Variants in MLPH observed in about 807,000 individuals in gnomAD.
MLPH encodes the protein melanophilin.
Under a neutral mutation model 72.1 loss-of-function variants are expected in MLPH, and 51 were observed. That is an observed-to-expected ratio of 0.71 (90% CI 0.56 to 0.89). The LOEUF is 0.89. Among genes scored for constraint, MLPH ranks in the 40% least tolerant of loss-of-function variants. The pLI is 0.00. For synonymous variants in MLPH, 301 were observed against 310.1 expected, an observed-to-expected ratio of 0.97 and a Z score of 0.31; for missense variants, 743 against 759.9, an observed-to-expected ratio of 0.98 and a Z score of 0.26.
intron 2 of MLPH, among the ~76,000 whole-genome samples, chr2:237,494,763 G>A (rs553082635): frequency 5.3e-4 from 81 of 152,310 alleles, no homozygotes; most frequent in Non-Finnish European, 5.1e-4. Context: ...TGTTGAGCGG[G>A]TGTTGGATAC....
intron 15 of MLPH, 81 bp from the exon 16 acceptor site, chr2:237,553,485 T>C: frequency 7.8e-7 from 1 of 1,290,026 alleles, no homozygotes. Context: ...TGTGTATTTG[T>C]ATGTGCATGC....
chr2:237,545,919 T>C (rs1471856716), intron 12 of MLPH: 1 of 198,236 alleles, frequency 5.0e-6, no homozygotes, highest in African/African-American at 2.4e-5. Context: ...TCTCAGTCAA[T>C]TTGGAAAGTT....
rs2080690035 is a variant in MLPH at position 237,541,708 on chromosome 2, A to G, written c.1446+751A>G. On this transcript the variant is annotated intron_variant, in intron 11 of 15. Coordinates refer to ENST00000264605, the MANE Select transcript of MLPH (RefSeq NM_024101.7). This position sits in a 1 kb window ranked among gnomAD's most constrained non-coding sequence, Gnocchi z 5.1. Reference sequence around the variant, plus strand: ...GTAGCCCACATTGTGTAGGCCACGGAAGATCTGGTGCAAATACCTTAGACG... The same window carrying G: ...GTAGCCCACATTGTGTAGGCCACGGGAGATCTGGTGCAAATACCTTAGACG... 1.3e-5 allele frequency among the ~76,000 whole-genome samples: 2 copies of G among 152,212 alleles called. No individual in the cohort carries two copies. The highest frequency in any genetic ancestry group is 1.3e-4 in the Admixed American group (2 of 15,290).
At chr2:237,533,897 A>G (rs1048691995) in intron 8 of MLPH, among the ~76,000 whole-genome samples, 4 of 152,206 alleles carry the variant, frequency 2.6e-5, no homozygotes, top group Non-Finnish European at 4.4e-5. Flanking sequence ...ACCAAACAAT[A>G]CAAAAGCATC....
chr2:237,521,509 G>C (rs931680129), intron 6 of MLPH, among the ~76,000 whole-genome samples: 4 of 152,186 alleles, frequency 2.6e-5, no homozygotes, highest in Non-Finnish European at 5.9e-5. Flanking sequence ...GTGCAGATGT[G>C]AAGGAATGCT....
At chr2:237,514,184 GA>G (rs1238146688) in intron 4 of MLPH, among the ~76,000 whole-genome samples, 2 of 152,096 alleles carry the variant, frequency 1.3e-5, no homozygotes, top group African/African-American at 4.8e-5. Flanking sequence ...CCTCCTCCGA[GA>G]ATGGGGCGGG....
intron 6 of MLPH, among the ~76,000 whole-genome samples, chr2:237,524,343 A>C (rs1298044512): frequency 6.8e-6 from 1 of 147,950 alleles, no homozygotes; most frequent in African/African-American, 2.6e-5. Flanking sequence ...ATTAAGTATT[A>C]ACTTACACGA....
chr2:237,530,670 C>G (rs2875755), intron 8 of MLPH, among the ~76,000 whole-genome samples: 23,472 of 152,230 alleles, frequency 0.15, 2,037 homozygotes, highest in South Asian at 0.31. Context: ...AAGGCCCTGA[C>G]AAGGCCTGCG....
At chr2:237,514,592 G>A (rs536479249) in intron 4 of MLPH, among the ~76,000 whole-genome samples, 3 of 152,334 alleles carry the variant, frequency 2.0e-5, no homozygotes, top group Non-Finnish European at 4.4e-5. Flanking sequence ...GAGAAGGTCA[G>A]AGAGAAACTT....
intron 2 of MLPH, among the ~76,000 whole-genome samples, chr2:237,509,239 T>C (rs2079840120): frequency 6.6e-6 from 1 of 152,216 alleles, no homozygotes; most frequent in African/African-American, 2.4e-5. Context: ...GCCTCTGAAA[T>C]ATATCAGCCT....
At position 237,540,135 on chromosome 2, in the gene MLPH, C is replaced by G. The variant is rs13416508; in HGVS notation, c.1105-213C>G. On this transcript the variant is annotated intron_variant, in intron 9 of 15. Coordinates refer to ENST00000264605, the MANE Select transcript of MLPH (RefSeq NM_024101.7). Reference sequence around the variant, plus strand: ...AGCCAGGGGTGGTGGTCAGCTTTCCCTGGGAACCCCCAGCCCTGCAGAACC... The same window carrying G: ...AGCCAGGGGTGGTGGTCAGCTTTCCGTGGGAACCCCCAGCCCTGCAGAACC... Among the ~76,000 whole-genome samples the G allele has an allele frequency of 5.2e-3, 792 of 152,354 alleles. 4 individuals carry two copies. Among genetic ancestry groups the G allele is most frequent in the African/African-American group, 0.018 (760 of 41,578 alleles).
At chr2:237,528,197 C>T (rs561074651) in intron 8 of MLPH, among the ~76,000 whole-genome samples, 6 of 151,960 alleles carry the variant, frequency 3.9e-5, no homozygotes, top group Middle Eastern at 3.4e-3. Context: ...TGGAGATGGA[C>T]GGTGGTGACA....
intron 6 of MLPH, among the ~76,000 whole-genome samples, chr2:237,520,244 C>T (rs1041999947): frequency 5.3e-5 from 8 of 152,132 alleles, no homozygotes; most frequent in Non-Finnish European, 1.2e-4. Flanking sequence ...GAGATATGAG[C>T]AGGCAGCTTG....
At chr2:237,517,225 G>A (rs539472929) in intron 4 of MLPH, among the ~76,000 whole-genome samples, 1 of 151,730 alleles carries the variant, frequency 6.6e-6, no homozygotes, top group East Asian at 2.0e-4. Context: ...ATAGACGAAT[G>A]GATGGATAGG....
intron 4 of MLPH, among the ~76,000 whole-genome samples, chr2:237,515,796 C>T (rs1014132405): frequency 6.6e-6 from 1 of 152,136 alleles, no homozygotes; most frequent in Non-Finnish European, 1.5e-5. Context: ...TCTCAGGGGC[C>T]GTGATGAAGC....
At position 237,527,452 on chromosome 2, in the gene MLPH, T is replaced by TCCGG. The variant is rs776878532; in HGVS notation, c.957_960dup (p.Ala321ProfsTer19). On this transcript the variant is annotated frameshift_variant, in exon 8 of 16. Coordinates refer to ENST00000264605, the MANE Select transcript of MLPH (RefSeq NM_024101.7). LOFTEE classifies it high-confidence loss of function. Reference sequence around the variant, plus strand: ...GTGGACACCTCTGATGAGGAAAGCATCCGGGCTCACGTGATGGCCTCCCAC... The same window carrying TCCGG: ...GTGGACACCTCTGATGAGGAAAGCATCCGGCCGGGCTCACGTGATGGCCTCCCAC... The TCCGG allele has an allele frequency of 6.2e-7, 1 of 1,614,194 alleles. No individual in the cohort carries two copies. Among genetic ancestry groups the TCCGG allele is most frequent in the Admixed American group, 1.7e-5 (1 of 60,022 alleles).
Position 237,493,556 on chromosome 2 carries a change from C to A in MLPH, c.110+20C>A. 1.3e-6 allele frequency: 2 copies of A among 1,593,088 alleles called. No homozygotes were observed. The highest frequency in any genetic ancestry group is 1.7e-6 in the Non-Finnish European group (2 of 1,161,416). ...GCTAGAGTGAGTGTGCCGTGCTGAGCCCACGGAGCCCGGGGTCCCTGATCT... is the reference window on the plus strand; with the variant it reads ...GCTAGAGTGAGTGTGCCGTGCTGAGACCACGGAGCCCGGGGTCCCTGATCT... On this transcript the variant is annotated intron_variant, in intron 2 of 15. Transcript: ENST00000264605.
At position 237,535,043 on chromosome 2, in the gene MLPH, C is replaced by T. The variant is rs567541947; in HGVS notation, c.1104+396C>T. Among the ~76,000 whole-genome samples, 5 of 152,342 alleles carry T rather than the reference C, an allele frequency of 3.3e-5. No homozygotes were observed. In the South Asian group the frequency reaches 1.0e-3, roughly 32 times the overall value. ...GAATGTATCATCAGCACAGCTTAGT[C>T]TGCTATATGCTGCTATAGCAAAATA... On this transcript the variant is annotated intron_variant, in intron 9 of 15. Coordinates refer to ENST00000264605, the MANE Select transcript of MLPH (RefSeq NM_024101.7).
intron 5 of MLPH, 31 bp downstream of exon 5, chr2:237,518,679 C>A: frequency 6.5e-7 from 1 of 1,546,664 alleles, no homozygotes; most frequent in Non-Finnish European, 8.9e-7. Context: ...CCCTCCTCAG[C>A]CACCTCGATT....
Sources: allele counts gnomAD v4.1 joint callset (sites outside exome capture counted in the v4.1 genomes callset), GRCh38; gene constraint gnomAD v4.1.1; non-coding constraint Gnocchi (gnomAD v3.1); transcripts MANE v1.5; gene names NCBI Gene and HGNC (gene_info 2026-07-23, HGNC 2026-07-21).